The following IL1RAPL1 variants were observed in gnomAD, a reference collection of about 807,000 sequenced individuals.
IL1RAPL1 encodes the protein interleukin-1 receptor accessory protein-like 1.
A neutral mutation model predicts 48.4 loss-of-function variants in IL1RAPL1; 3 were observed. The ratio of observed to expected loss-of-function variants is 0.06; its 90% CI spans 0.03 to 0.16. IL1RAPL1 has a LOEUF of 0.16. Ranked by LOEUF, IL1RAPL1 falls within the 10% of genes least tolerant of loss-of-function variation. The probability of loss-of-function intolerance (pLI) is 1.00; values close to 1 mark genes in which losing one functional copy is unlikely to be tolerated. For missense variants in IL1RAPL1, 349 were observed against 530.6 expected, an observed-to-expected ratio of 0.66 and a Z score of 3.36; for synonymous variants, 185 against 187.7, an observed-to-expected ratio of 0.99 and a Z score of 0.12.
intron 2 of IL1RAPL1, among the ~76,000 whole-genome samples, chrX:28,900,070 T>C (rs1923034984): frequency 8.9e-6 from 1 of 112,165 alleles, no homozygotes; most frequent in African/African-American, 3.2e-5. Flanking sequence ...ATGATTTGTG[T>C]GACTTCACTA....
intron 2 of IL1RAPL1, among the ~76,000 whole-genome samples, chrX:28,926,941 G>C (rs757849734): frequency 1.8e-5 from 2 of 111,302 alleles, no homozygotes; most frequent in South Asian, 7.7e-4. Context: ...GCCCAGGCTG[G>C]AGTTCAGTGT....
At chrX:29,772,449 TA>T (rs1162523708) in intron 6 of IL1RAPL1, among the ~76,000 whole-genome samples, 1 of 110,850 alleles carries the variant, frequency 9.0e-6, no homozygotes, top group Admixed American at 9.6e-5. Flanking sequence ...TGTACATCTG[TA>T]AATGTGTATG....
At chrX:28,955,257 T>C (rs1198315963) in intron 2 of IL1RAPL1, among the ~76,000 whole-genome samples, 1 of 111,606 alleles carries the variant, frequency 9.0e-6, no homozygotes, top group African/African-American at 3.3e-5. Flanking sequence ...AATCTCTTCA[T>C]GTATGGCCAT....
intron 2 of IL1RAPL1, among the ~76,000 whole-genome samples, chrX:29,199,272 A>C (rs1930505627): frequency 9.0e-6 from 1 of 111,613 alleles, no homozygotes; most frequent in Admixed American, 9.6e-5. Context: ...ACATTAAATA[A>C]CACCAGAAAA....
intron 1 of IL1RAPL1, among the ~76,000 whole-genome samples, chrX:28,666,882 T>C (rs189560025): frequency 8.9e-6 from 1 of 111,894 alleles, no homozygotes; most frequent in African/African-American, 3.2e-5. Flanking sequence ...AAAGTAGACT[T>C]AATTGCACCA....
At chrX:28,779,846 C>T (rs1032200053) in intron 1 of IL1RAPL1, among the ~76,000 whole-genome samples, 14 of 107,528 alleles carry the variant, frequency 1.3e-4, no homozygotes, top group African/African-American at 4.7e-4. Flanking sequence ...ACTTGACTTT[C>T]ATAAAGATAT....
At chrX:29,568,514 A>G (rs1270770915) in intron 5 of IL1RAPL1, among the ~76,000 whole-genome samples, 1 of 110,800 alleles carries the variant, frequency 9.0e-6, no homozygotes, top group East Asian at 2.8e-4. Flanking sequence ...TTCTGTTGAA[A>G]ACTGTAAAGT....
At chrX:29,418,092 TATATATATA>T (rs1339394932) in intron 5 of IL1RAPL1, among the ~76,000 whole-genome samples, 1 of 47,406 alleles carries the variant, frequency 2.1e-5, no homozygotes, top group African/African-American at 9.1e-5. Context: ...AAAAAAGTAA[TATATATATA>T]TATATATATA....
intron 2 of IL1RAPL1, among the ~76,000 whole-genome samples, chrX:29,170,055 A>G (rs1007085024): frequency 9.0e-6 from 1 of 111,718 alleles, no homozygotes; most frequent in East Asian, 2.8e-4. Flanking sequence ...GTACCCCAGC[A>G]TTAGTGATAG....
chrX:29,772,933 C>G lies in IL1RAPL1; in HGVS notation c.778+104429C>G, dbSNP rs746277365. ...GCTATAATCTCAGAGTAGCTTTACC[C>G]CTTGCCACCTATATAATGATCATTT... On this transcript the variant is annotated intron_variant, in intron 6 of 10. Transcript: ENST00000378993. Among the ~76,000 whole-genome samples, 11 of 110,429 alleles carry G rather than the reference C, an allele frequency of 1.0e-4. No homozygotes were observed. In the East Asian group the frequency reaches 2.5e-3, roughly 25 times the overall value.
intron 1 of IL1RAPL1, among the ~76,000 whole-genome samples, chrX:28,663,345 A>T (rs185994049): frequency 2.1e-4 from 24 of 112,086 alleles, no homozygotes; most frequent in African/African-American, 6.8e-4. Flanking sequence ...GTGCTTTTCA[A>T]CCTGGGCTGC....
intron 2 of IL1RAPL1, among the ~76,000 whole-genome samples, chrX:28,822,280 G>A (rs1042101921): frequency 9.0e-6 from 1 of 111,233 alleles, no homozygotes; most frequent in African/African-American, 3.3e-5. Context: ...GTTGCCTGTG[G>A]AACACATGTG....
At chrX:29,195,002 G>A (rs1375305953) in intron 2 of IL1RAPL1, among the ~76,000 whole-genome samples, 1 of 111,486 alleles carries the variant, frequency 9.0e-6, no homozygotes, top group East Asian at 2.8e-4. Flanking sequence ...ATCAGCAAAT[G>A]GCAAAGATGA....
At chrX:28,728,535 G>T (rs748171083) in intron 1 of IL1RAPL1, among the ~76,000 whole-genome samples, 1 of 111,267 alleles carries the variant, frequency 9.0e-6, no homozygotes, top group Admixed American at 9.6e-5. Context: ...AGGAAAGATC[G>T]TTCTATCTTC....
At chrX:29,794,534 A>G (rs900720387) in intron 6 of IL1RAPL1, among the ~76,000 whole-genome samples, 1 of 112,031 alleles carries the variant, frequency 8.9e-6, no homozygotes, top group African/African-American at 3.2e-5. Context: ...AATAGACCAA[A>G]TTCTGTCAAA....
intron 1 of IL1RAPL1, among the ~76,000 whole-genome samples, chrX:28,711,505 AATTATTT>A (rs1366927142): frequency 9.1e-6 from 1 of 110,202 alleles, no homozygotes; most frequent in Admixed American, 9.8e-5. Flanking sequence ...CGTAAATAAA[AATTATTT>A]AAAGCTGTGA....
chrX:29,201,111 T>C (rs1930545787), intron 2 of IL1RAPL1, among the ~76,000 whole-genome samples: 1 of 111,413 alleles, frequency 9.0e-6, no homozygotes. Context: ...CAAGGAAAAA[T>C]AGATACAGTG....
chrX:29,466,215 T>C (rs1463097276), intron 5 of IL1RAPL1, among the ~76,000 whole-genome samples: 1 of 112,245 alleles, frequency 8.9e-6, no homozygotes, highest in Admixed American at 9.5e-5. Flanking sequence ...AAATAATGCA[T>C]TATATGAAGT....
At chrX:28,781,382 A>C (rs1193635034) in intron 1 of IL1RAPL1, among the ~76,000 whole-genome samples, 2 of 109,127 alleles carry the variant, frequency 1.8e-5, no homozygotes, top group Admixed American at 2.0e-4. Flanking sequence ...ATTCCCTGTC[A>C]CATGGCTGTC....
Sources: allele counts gnomAD v4.1 joint callset (sites outside exome capture counted in the v4.1 genomes callset), GRCh38; gene constraint gnomAD v4.1.1; transcripts MANE v1.5; gene names NCBI Gene and HGNC (gene_info 2026-07-23, HGNC 2026-07-21).